Variants in ZC3H12B observed in about 807,000 individuals in gnomAD.
ZC3H12B encodes the protein probable ribonuclease ZC3H12B.
In ZC3H12B, 7 loss-of-function variants were observed where a neutral mutation model predicts 43.9. That is an observed-to-expected ratio of 0.16 (90% CI 0.09 to 0.30). The LOEUF is 0.30. ZC3H12B is among the 10% of genes least tolerant of loss of function. ZC3H12B has a pLI of 1.00. For missense variants in ZC3H12B, 475 were observed against 670.2 expected (o/e 0.71, Z 3.22); for synonymous variants, 222 against 241.7 (o/e 0.92, Z 0.76).
At chrX:65,211,176 A>T in the ZC3H12B span, among the ~76,000 whole-genome samples, 1 of 107,976 alleles carries the variant, frequency 9.3e-6, no homozygotes, top group Non-Finnish European at 1.9e-5. Context: ...TTTTCTTGTA[A>T]ATTTGTTTCT....
At chrX:65,421,646 G>A (rs1374618832) in intron 3 of ZC3H12B, among the ~76,000 whole-genome samples, 1 of 112,348 alleles carries the variant, frequency 8.9e-6, no homozygotes, top group Non-Finnish European at 1.9e-5. Flanking sequence ...TCTGATCAAG[G>A]AACTCACTTC....
chrX:65,078,570 G>C, the ZC3H12B span, among the ~76,000 whole-genome samples: 2 of 112,028 alleles, frequency 1.8e-5, no homozygotes, highest in Non-Finnish European at 3.8e-5. Flanking sequence ...TTTGAGGATT[G>C]ACTATAGGAT....
the ZC3H12B span, among the ~76,000 whole-genome samples, chrX:65,193,686 C>G: frequency 1.8e-5 from 2 of 111,194 alleles, no homozygotes; most frequent in African/African-American, 6.5e-5. Flanking sequence ...TTCAATTGTT[C>G]TTGCTTTTCT....
At chrX:65,212,965 C>G in the ZC3H12B span, among the ~76,000 whole-genome samples, 2 of 107,195 alleles carry the variant, frequency 1.9e-5, no homozygotes, top group Admixed American at 2.1e-4. Flanking sequence ...CATCATTGGT[C>G]TGTGTAATGC....
the ZC3H12B span, among the ~76,000 whole-genome samples, chrX:65,287,363 G>A: frequency 4.5e-5 from 5 of 111,616 alleles, no homozygotes; most frequent in Non-Finnish European, 9.4e-5. Context: ...GAATAAAACT[G>A]GAAATTCATA....
At chrX:65,074,406 G>C in the ZC3H12B span, among the ~76,000 whole-genome samples, 1 of 110,593 alleles carries the variant, frequency 9.0e-6, no homozygotes, top group Non-Finnish European at 1.9e-5. Flanking sequence ...TTTTCTCTTT[G>C]TTTTTGACAT....
chrX:65,075,924 G>T, the ZC3H12B span, among the ~76,000 whole-genome samples: 1 of 111,593 alleles, frequency 9.0e-6, no homozygotes, highest in African/African-American at 3.3e-5. Flanking sequence ...TGAGTACCAT[G>T]AATTTTCCTA....
chrX:65,140,348 A>G, the ZC3H12B span, among the ~76,000 whole-genome samples: 3 of 111,482 alleles, frequency 2.7e-5, no homozygotes, highest in African/African-American at 9.8e-5. Context: ...ATCTATTTAG[A>G]TGATCAACTG....
At chrX:65,141,413 CTTTAA>C in the ZC3H12B span, among the ~76,000 whole-genome samples, 13 of 109,830 alleles carry the variant, frequency 1.2e-4, no homozygotes, top group African/African-American at 1.6e-4. Flanking sequence ...TACGTGGGCT[CTTTAA>C]TTTAACCCTC....
the ZC3H12B span, among the ~76,000 whole-genome samples, chrX:65,189,678 T>C: frequency 9.4e-6 from 1 of 105,875 alleles, no homozygotes; most frequent in Non-Finnish European, 1.9e-5. Flanking sequence ...TTTGAGTTCA[T>C]TGTAGATTCT....
At chrX:65,230,283 G>A in the ZC3H12B span, among the ~76,000 whole-genome samples, 2 of 109,744 alleles carry the variant, frequency 1.8e-5, no homozygotes. Flanking sequence ...ACTATTGCAA[G>A]AACGAGAAAC....
At chrX:65,488,260 A>G (rs1371592626), upstream of ZC3H12B, among the ~76,000 whole-genome samples, 1 of 110,526 alleles carries the variant, frequency 9.0e-6, no homozygotes, top group Non-Finnish European at 1.9e-5. Flanking sequence ...AGGAAGAAAG[A>G]GAGTCTTTCC....
At chrX:65,223,503 A>T in the ZC3H12B span, among the ~76,000 whole-genome samples, 5 of 112,708 alleles carry the variant, frequency 4.4e-5, no homozygotes, top group Admixed American at 4.7e-4. Flanking sequence ...GCTTCAGCAC[A>T]GCAAAAGAAA....
At chrX:65,067,202 G>C in the ZC3H12B span, among the ~76,000 whole-genome samples, 25,729 of 108,641 alleles carry the variant, frequency 0.24, 7,636 homozygotes, top group African/African-American at 0.83. Flanking sequence ...AAAAAAACTC[G>C]TGCAGCTAAC....
At chrX:65,053,051 C>A in the ZC3H12B span, among the ~76,000 whole-genome samples, 6 of 111,093 alleles carry the variant, frequency 5.4e-5, no homozygotes, top group Admixed American at 9.5e-5. Flanking sequence ...ATCCTTTTCA[C>A]CATTTAGAAG....
the ZC3H12B span, among the ~76,000 whole-genome samples, chrX:65,147,251 G>C: frequency 8.9e-6 from 1 of 112,008 alleles, no homozygotes; most frequent in African/African-American, 3.2e-5. Context: ...TGGGCAGGCT[G>C]TCTGGTACAG....
chrX:65,181,564 A>C, the ZC3H12B span, among the ~76,000 whole-genome samples: 200 of 111,983 alleles, frequency 1.8e-3, 1 homozygote, highest in Non-Finnish European at 3.2e-3. Flanking sequence ...ACAAGAAAAA[A>C]AATAACCTCA....
At chrX:65,414,502 G>A (rs184882390) in intron 3 of ZC3H12B, among the ~76,000 whole-genome samples, 35 of 110,997 alleles carry the variant, frequency 3.2e-4, no homozygotes, top group African/African-American at 9.5e-4. Flanking sequence ...TATTTCTATC[G>A]ATTCTGTCAA....
At chrX:65,134,829 G>C in the ZC3H12B span, among the ~76,000 whole-genome samples, 73 of 111,567 alleles carry the variant, frequency 6.5e-4, 1 homozygote, top group East Asian at 0.02. Context: ...AAGGGAGTTA[G>C]GGGTGGGGCA....
Sources: allele counts gnomAD v4.1 joint callset (sites outside exome capture counted in the v4.1 genomes callset), GRCh38; gene constraint gnomAD v4.1.1; transcripts MANE v1.5; gene names NCBI Gene and HGNC (gene_info 2026-07-23, HGNC 2026-07-21).